Variants in RIPK2 observed in about 807,000 individuals in gnomAD.
RIPK2 encodes the protein receptor-interacting serine/threonine-protein kinase 2.
A neutral mutation model predicts 60.9 loss-of-function variants in RIPK2; 38 were observed. The observed-to-expected ratio is 0.62, with a 90% CI of 0.48 to 0.82. The LOEUF (loss-of-function observed/expected upper bound fraction) is 0.82, where lower values mean the gene tolerates loss of function less well. RIPK2 is among the 40% of genes least tolerant of loss of function. RIPK2 has a pLI of 0.00. For missense variants in RIPK2, 518 were observed against 647.0 expected (o/e 0.80, Z 2.16); for synonymous variants, 225 against 223.4 (o/e 1.01, Z -0.06).
intron 6 of RIPK2, among the ~76,000 whole-genome samples, chr8:89,778,471 G>A (rs1052689362): frequency 6.6e-6 from 1 of 152,090 alleles, no homozygotes; most frequent in African/African-American, 2.4e-5. Context: ...GTCACTGCCT[G>A]TTCTCACCAC....
intron 3 of RIPK2, among the ~76,000 whole-genome samples, chr8:89,768,499 C>A (rs1809263765): frequency 6.6e-6 from 1 of 151,680 alleles, no homozygotes; most frequent in African/African-American, 2.4e-5. Flanking sequence ...TTTTGTTAAT[C>A]CGCGCTTTTG....
intron 1 of RIPK2, among the ~76,000 whole-genome samples, chr8:89,761,414 C>T (rs568317794): frequency 4.6e-5 from 7 of 152,010 alleles, no homozygotes; most frequent in Admixed American, 1.3e-4. Context: ...CACTACAACG[C>T]GGGCATTCTA....
intron 7 of RIPK2, 57 bp from the exon 8 acceptor site, chr8:89,783,993 T>C: frequency 2.2e-6 from 2 of 928,504 alleles, no homozygotes; most frequent in Admixed American, 2.3e-5. Flanking sequence ...ATTTTACTTC[T>C]ATAATTTCCT....
chr8:89,760,501 T>C (rs926266217), intron 1 of RIPK2, among the ~76,000 whole-genome samples: 23 of 152,102 alleles, frequency 1.5e-4, no homozygotes, highest in African/African-American at 5.3e-4. Flanking sequence ...CTTTTGGCTT[T>C]AAAAAAAATT....
At chr8:89,763,119 A>T in intron 2 of RIPK2, 137 bp downstream of exon 2, 1 of 527,914 alleles carries the variant, frequency 1.9e-6, no homozygotes, top group Non-Finnish European at 3.0e-6. Context: ...TATCACAGGG[A>T]TAAAATTTTA....
chr8:89,789,485 A>G lies in RIPK2; in HGVS notation c.1285+3A>G, dbSNP rs938643866. ...ACTCTCAACTGCAGGAAACTCAGGTAAATATTTACTGTGAAACACCTTGTA... is the reference window on the plus strand; with the variant it reads ...ACTCTCAACTGCAGGAAACTCAGGTGAATATTTACTGTGAAACACCTTGTA... On this transcript the variant is annotated splice_donor_region_variant and intron_variant, in intron 10 of 10. Coordinates refer to ENST00000220751, the MANE Select transcript of RIPK2 (RefSeq NM_003821.6). The G allele has an allele frequency of 1.1e-5, 18 of 1,612,362 alleles. No individual in the cohort carries two copies. Among genetic ancestry groups the G allele is most frequent in the Non-Finnish European group, 1.0e-5 (12 of 1,179,518 alleles).
At chr8:89,772,300 CA>C (rs1809327292) in intron 5 of RIPK2, among the ~76,000 whole-genome samples, 1 of 151,862 alleles carries the variant, frequency 6.6e-6, no homozygotes. Context: ...TAACAAAAAA[CA>C]ACCTCGGAAT....
At chr8:89,789,588 G>A in intron 10 of RIPK2, 106 bp downstream of exon 10, 1 of 1,043,364 alleles carries the variant, frequency 9.6e-7, no homozygotes. Flanking sequence ...TCCTCAATAT[G>A]ATAAATACAT....
chr8:89,774,866 A>G (rs1353092605), intron 6 of RIPK2, among the ~76,000 whole-genome samples: 1 of 152,126 alleles, frequency 6.6e-6, no homozygotes, highest in Non-Finnish European at 1.5e-5. Context: ...GACAGTAGAG[A>G]GTGTAGTCCT....
chr8:89,759,985 T>C (rs1275744392), intron 1 of RIPK2, among the ~76,000 whole-genome samples: 1 of 152,202 alleles, frequency 6.6e-6, no homozygotes, highest in Non-Finnish European at 1.5e-5. Flanking sequence ...AGGAAATTAA[T>C]TCTGTCTTCG....
chr8:89,781,879 A>C (rs1168046860), intron 7 of RIPK2, among the ~76,000 whole-genome samples: 1 of 152,258 alleles, frequency 6.6e-6, no homozygotes. Context: ...CAATTCTAAC[A>C]ATATTCTGGC....
At position 89,758,054 on chromosome 8, in the gene RIPK2, C is replaced by G. The variant is rs777311934; in HGVS notation, c.-7C>G. 5.7e-6 allele frequency: 9 copies of G among 1,587,106 alleles called. No individual in the cohort carries two copies. In the South Asian group the frequency reaches 1.0e-4, roughly 18 times the overall value. On this transcript the variant is annotated 5_prime_UTR_variant, in exon 1 of 11. Transcript: ENST00000220751. ...CACACCCGGAACCGGCCTGAGCGCCCGGGACCATGAACGGGGAGGCCATCT... is the reference window on the plus strand; with the variant it reads ...CACACCCGGAACCGGCCTGAGCGCCGGGGACCATGAACGGGGAGGCCATCT...
chr8:89,767,734 C>T (rs1344101887), intron 3 of RIPK2, among the ~76,000 whole-genome samples: 4 of 151,756 alleles, frequency 2.6e-5, no homozygotes, highest in Non-Finnish European at 4.4e-5. Context: ...GTTGCTTCCA[C>T]ACATTGATCC....
chr8:89,784,107 C>G lies in RIPK2; in HGVS notation c.997C>G (p.Leu333Val). Residue 333 changes from leucine to valine, a missense_variant, in exon 8 of 11, where the codon CTG becomes GTG. Transcript: ENST00000220751. The part of the protein sequence containing the change: ...LCDKKKMELS[L>V]NIPVNHGPQE... ...TGACAAGAAGAAAATGGAATTATCT[C>G]TGAACATACCTGTAAATCATGGTCC... 7.5e-7 allele frequency: 1 copy of G among 1,334,868 alleles called. No individual in the cohort carries two copies. The highest frequency in any genetic ancestry group is 1.7e-5 in the African/African-American group (1 of 58,686). The allele number at this position is 1,334,868 out of a possible 1,614,324, so 82.7% of individuals were successfully genotyped here. A position where few individuals can be genotyped will look rare whatever the true frequency, so the allele number is the denominator to read the frequency against.
intron 1 of RIPK2, among the ~76,000 whole-genome samples, chr8:89,759,804 G>A (rs1586114970): frequency 6.6e-6 from 1 of 152,160 alleles, no homozygotes; most frequent in Admixed American, 6.5e-5. Flanking sequence ...TAGCACTGAT[G>A]GACCCATTAG....
chr8:89,769,671 T>C (rs949543305), intron 3 of RIPK2, 101 bp from the exon 4 acceptor site: 1 of 713,566 alleles, frequency 1.4e-6, no homozygotes, highest in African/African-American at 1.8e-5. Flanking sequence ...TTACATTTTC[T>C]CTGGTTTGAT....
At chr8:89,784,689 C>T (rs952107381) in intron 8 of RIPK2, among the ~76,000 whole-genome samples, 1 of 152,178 alleles carries the variant, frequency 6.6e-6, no homozygotes, top group African/African-American at 2.4e-5. Context: ...ACTTTGAACA[C>T]CAACATGATG....
intron 1 of RIPK2, chr8:89,759,415 C>T (rs1344048751): frequency 2.2e-6 from 1 of 456,164 alleles, no homozygotes; most frequent in Non-Finnish European, 4.4e-6. Flanking sequence ...TGTGAAAATA[C>T]GTCATCCCCG....
chr8:89,785,813 G>A (rs10956271), intron 8 of RIPK2, among the ~76,000 whole-genome samples: 9,275 of 152,216 alleles, frequency 0.061, 484 homozygotes, highest in East Asian at 0.25. Flanking sequence ...AAAAACCTGA[G>A]AGCCAGAGAG....
Sources: gnomAD v4.1 joint callset for allele counts (sites outside exome capture counted in the v4.1 genomes callset) on GRCh38, gnomAD v4.1.1 for gene constraint, MANE v1.5 for transcripts, NCBI Gene and HGNC (gene_info 2026-07-23, HGNC 2026-07-21) for gene names.